The following TLE4 variants were observed in gnomAD, a reference collection of about 807,000 sequenced individuals.
TLE4 encodes TLE family member 4, transcriptional corepressor, also known as transducin-like enhancer protein 4.
TLE4 carries 8 observed loss-of-function variants against 92.8 expected under a neutral mutation model. That is an observed-to-expected ratio of 0.09 (90% CI 0.05 to 0.16). The LOEUF is 0.16. TLE4 is among the 10% of genes least tolerant of loss of function. The pLI is 1.00. For synonymous variants in TLE4, 371 were observed against 374.1 expected (o/e 0.99, Z 0.10); for missense variants, 675 against 997.6 (o/e 0.68, Z 4.36).
intron 2 of TLE4, chr9:79,574,223 A>G (rs2036940806): frequency 7.3e-6 from 1 of 137,354 alleles, no homozygotes; most frequent in African/African-American, 2.8e-5. Context: ...CTTTTATGCT[A>G]AAAAAAAAAA....
intron 6 of TLE4, among the ~76,000 whole-genome samples, chr9:79,641,344 G>T (rs2133934601): frequency 1.3e-5 from 2 of 152,130 alleles, no homozygotes; most frequent in African/African-American, 4.8e-5. Context: ...TTATGATCCA[G>T]ATTTATACCA....
At chr9:79,583,327 T>G (rs1308208492) in intron 4 of TLE4, among the ~76,000 whole-genome samples, 1 of 152,196 alleles carries the variant, frequency 6.6e-6, no homozygotes, top group African/African-American at 2.4e-5. Context: ...AGAGAAGTAC[T>G]CTGGGATACC....
rs912474001 is a variant in TLE4, at chr9:79,650,800, A to T, written c.391-1793A>T. 2.6e-5 allele frequency among the ~76,000 whole-genome samples: 4 copies of T among 152,068 alleles called. No individual in the cohort carries two copies. In the East Asian group the frequency reaches 7.7e-4, roughly 29 times the overall value. ...TGTAAACTTGCTTTTCAAAGTGTTC[A>T]TACTTTATTCTATTGACTATATTTT... On this transcript the variant is annotated intron_variant, in intron 6 of 19. Transcript: ENST00000376552.
At chr9:79,693,156 T>C (rs1049426320) in intron 8 of TLE4, among the ~76,000 whole-genome samples, 1 of 152,202 alleles carries the variant, frequency 6.6e-6, no homozygotes, top group African/African-American at 2.4e-5. Flanking sequence ...AGAATAGCTA[T>C]TCAACTTATG....
At chr9:79,572,877 G>A (rs752008207) in intron 1 of TLE4, 42 bp downstream of exon 1, 2 of 1,575,440 alleles carry the variant, frequency 1.3e-6, no homozygotes, top group East Asian at 2.4e-5. Context: ...GGGTGCTGGG[G>A]GATTCCCCGC....
At position 79,635,548 on chromosome 9, in the gene TLE4, G is replaced by A. The variant is rs113885556; in HGVS notation, c.390+8100G>A. Among the ~76,000 whole-genome samples the A allele has an allele frequency of 4.4e-3, 661 of 150,174 alleles. 7 individuals carry two copies. Among genetic ancestry groups the A allele is most frequent in the African/African-American group, 0.014 (557 of 40,984 alleles). Reference sequence around the variant, plus strand: ...ATAATTCAGTTCAATTTTTGTTTATGGTAAGATATATGCATTAAGTTGAGG... The same window carrying A: ...ATAATTCAGTTCAATTTTTGTTTATAGTAAGATATATGCATTAAGTTGAGG... On this transcript the variant is annotated intron_variant, in intron 6 of 19. Coordinates refer to ENST00000376552, the MANE Select transcript of TLE4 (RefSeq NM_007005.6).
chr9:79,609,300 AT>A (rs1192272875), intron 4 of TLE4, among the ~76,000 whole-genome samples: 2 of 152,096 alleles, frequency 1.3e-5, no homozygotes, highest in Non-Finnish European at 2.9e-5. Context: ...GTCACATGTC[AT>A]GTGTTGAGTG....
intron 5 of TLE4, among the ~76,000 whole-genome samples, chr9:79,615,325 C>T (rs2049283990): frequency 6.6e-6 from 1 of 152,126 alleles, no homozygotes; most frequent in South Asian, 2.1e-4. Flanking sequence ...CTTTTAACAC[C>T]GGCTCTCTGT....
chr9:79,666,303 C>T (rs537010886), intron 8 of TLE4, among the ~76,000 whole-genome samples: 1 of 149,878 alleles, frequency 6.7e-6, no homozygotes, highest in East Asian at 2.0e-4. Context: ...TCTCGGCTCA[C>T]TGCAATCTCT....
intron 5 of TLE4, among the ~76,000 whole-genome samples, chr9:79,624,088 T>A (rs1398851137): frequency 6.7e-6 from 1 of 148,858 alleles, no homozygotes; most frequent in East Asian, 2.0e-4. Flanking sequence ...AAGGCAGACA[T>A]AATGGGAAAG....
chr9:79,708,093 G>A (rs777868763), intron 11 of TLE4, 25 bp from the exon 12 acceptor site: 1 of 1,610,072 alleles, frequency 6.2e-7, no homozygotes, highest in South Asian at 1.1e-5. Context: ...TCTAATTGCT[G>A]GTATATGTCA....
chr9:79,709,510 A>G, intron 13 of TLE4, 113 bp from the exon 14 acceptor site: 1 of 849,708 alleles, frequency 1.2e-6, no homozygotes. Context: ...TATCTCTAAA[A>G]CCTTATTTTT....
At chr9:79,642,865 G>A (rs547936336) in intron 6 of TLE4, among the ~76,000 whole-genome samples, 1 of 152,266 alleles carries the variant, frequency 6.6e-6, no homozygotes, top group East Asian at 1.9e-4. Flanking sequence ...GGACTACAGA[G>A]ATCTGTGGTT....
chr9:79,579,214 GTTC>G (rs1171027693), intron 4 of TLE4, among the ~76,000 whole-genome samples: 1 of 152,144 alleles, frequency 6.6e-6, no homozygotes, highest in Non-Finnish European at 1.5e-5. Context: ...TTTGCTGATT[GTTC>G]TTCTTTGTAA....
chr9:79,620,452 TGTAA>T (rs917361765), intron 5 of TLE4, among the ~76,000 whole-genome samples: 18 of 152,128 alleles, frequency 1.2e-4, no homozygotes, highest in African/African-American at 4.3e-4. Flanking sequence ...CCTGTCCCCA[TGTAA>T]GTGAGAGTGG....
chr9:79,671,186 T>C lies in TLE4; in HGVS notation c.609+17111T>C, dbSNP rs1588066495. The C allele has an allele frequency of 6.7e-6, 3 of 450,166 alleles. No homozygotes were observed. In the East Asian group the frequency reaches 2.1e-4, roughly 32 times the overall value. 27.9% of individuals were successfully genotyped at this position (450,166 alleles called of 1,614,324 possible). On this transcript the variant is annotated intron_variant, in intron 8 of 19. Transcript: ENST00000376552. ...GGGATAGTTCAACCTTGGCTGAGAA[T>C]GTGACTTTTATGTATTTTACAGCAA...
Position 79,676,957 on chromosome 9 carries a change from A to G in TLE4, c.609+22882A>G, listed in dbSNP as rs572959929. ...TTTAATTTCTTTCATGTGTTTGAAGATGCATTTCCCATGCATCCATGGTTT... is the reference window on the plus strand; with the variant it reads ...TTTAATTTCTTTCATGTGTTTGAAGGTGCATTTCCCATGCATCCATGGTTT... On this transcript the variant is annotated intron_variant, in intron 8 of 19. Coordinates refer to ENST00000376552, the MANE Select transcript of TLE4 (RefSeq NM_007005.6). Among the ~76,000 whole-genome samples, 5 of 152,282 alleles carry G rather than the reference A, an allele frequency of 3.3e-5. No individual in the cohort carries two copies. The East Asian group carries it at 9.6e-4, about 29-fold the overall frequency.
chr9:79,599,481 T>C (rs982755409), intron 4 of TLE4, among the ~76,000 whole-genome samples: 9 of 152,200 alleles, frequency 5.9e-5, no homozygotes, highest in Admixed American at 5.2e-4. Context: ...AGGCCAGGGC[T>C]AGAAACTACT....
chr9:79,644,979 T>C (rs2057856446), intron 6 of TLE4, among the ~76,000 whole-genome samples: 1 of 152,192 alleles, frequency 6.6e-6, no homozygotes, highest in African/African-American at 2.4e-5. Flanking sequence ...CTGTCTCTAG[T>C]CCTTGGCCCC....
Sources: gnomAD v4.1 joint callset for allele counts (sites outside exome capture counted in the v4.1 genomes callset) on GRCh38, gnomAD v4.1.1 for gene constraint, MANE v1.5 for transcripts, NCBI Gene and HGNC (gene_info 2026-07-23, HGNC 2026-07-21) for gene names.